RAD51B: variants seen among roughly 807,000 people sequenced by gnomAD.
RAD51B encodes the protein DNA repair protein RAD51 homolog 2.
In RAD51B, 38 loss-of-function variants were observed where a neutral mutation model predicts 42.2. The observed-to-expected ratio is 0.90, with a 90% CI of 0.70 to 1.18. RAD51B has a LOEUF of 1.18. Ranked by LOEUF, RAD51B falls within the 50% of genes most tolerant of loss-of-function variation. The pLI is 0.00. For synonymous variants in RAD51B, 154 were observed against 145.2 expected (o/e 1.06, Z -0.43); for missense variants, 373 against 400.7 (o/e 0.93, Z 0.59).
chr14:67,948,709 A>G (rs1348906371), intron 7 of RAD51B, among the ~76,000 whole-genome samples: 1 of 152,044 alleles, frequency 6.6e-6, no homozygotes, highest in Non-Finnish European at 1.5e-5. Flanking sequence ...AGGCAGGCAG[A>G]TCACAAGGTC....
chr14:67,981,999 C>T (rs1441027911), intron 7 of RAD51B, among the ~76,000 whole-genome samples: 1 of 152,130 alleles, frequency 6.6e-6, no homozygotes, highest in African/African-American at 2.4e-5. Context: ...TGCAGTGGCG[C>T]AGTCTAGGCT....
intron 7 of RAD51B, among the ~76,000 whole-genome samples, chr14:68,288,067 T>C (rs747776701): frequency 2.6e-5 from 4 of 152,292 alleles, no homozygotes; most frequent in East Asian, 3.9e-4. Context: ...GTCTTTCCCA[T>C]GGAGCAAAGC....
intron 10 of RAD51B, among the ~76,000 whole-genome samples, chr14:68,587,610 A>G (rs533290289): frequency 1.3e-5 from 2 of 151,842 alleles, no homozygotes; most frequent in Non-Finnish European, 2.9e-5. Context: ...AGATTTCAGC[A>G]CATCCATCCC....
chr14:68,409,781 T>A (rs192726369), intron 8 of RAD51B, among the ~76,000 whole-genome samples: 12 of 152,354 alleles, frequency 7.9e-5, no homozygotes, highest in Admixed American at 5.2e-4. Flanking sequence ...CATGAAGGAC[T>A]ACTGAAGGCA....
intron 2 of RAD51B, among the ~76,000 whole-genome samples, chr14:67,824,060 G>A (rs536239107): frequency 5.9e-5 from 9 of 152,166 alleles, no homozygotes; most frequent in Admixed American, 5.9e-4. Flanking sequence ...CCTTAGCAGG[G>A]TAAATAAGAT....
At chr14:68,343,107 T>C (rs183208127) in intron 8 of RAD51B, among the ~76,000 whole-genome samples, 52 of 112,236 alleles carry the variant, frequency 4.6e-4, no homozygotes, top group Admixed American at 7.9e-4. Flanking sequence ...CTAATTAAGA[T>C]ATCCATCGCT....
At chr14:68,625,850 G>T (rs6573846) in intron 10 of RAD51B, among the ~76,000 whole-genome samples, 2 of 152,066 alleles carry the variant, frequency 1.3e-5, no homozygotes, top group Admixed American at 1.3e-4. Flanking sequence ...GGGCTGCCCC[G>T]CAAGAAGCAA....
chr14:68,020,235 G>A (rs1398577710), intron 7 of RAD51B, among the ~76,000 whole-genome samples: 2 of 151,870 alleles, frequency 1.3e-5, no homozygotes, highest in African/African-American at 4.8e-5. Flanking sequence ...TCAGCCTCTC[G>A]AGTAGCTGGG....
chr14:68,422,179 C>A, intron 9 of RAD51B: 1 of 1,213,578 alleles, frequency 8.2e-7, no homozygotes, highest in Admixed American at 1.7e-5. Context: ...ATTCAAAGAA[C>A]ATGGTGGGGT....
Position 68,312,630 on chromosome 14 carries a change from T to A in RAD51B, c.853+20650T>A, listed in dbSNP as rs1430744327. Among the ~76,000 whole-genome samples the A allele has an allele frequency of 3.3e-5, 5 of 152,224 alleles. No homozygotes were observed. The East Asian group carries it at 9.6e-4, about 29-fold the overall frequency. ...AAAGCTCAATTAAACTAAAATGCCT[T>A]GTTTCAGTTTCTTTCCACAGTTTAT... On this transcript the variant is annotated intron_variant, in intron 8 of 10. Transcript: ENST00000471583.
At chr14:68,381,387 T>C (rs2083474281) in intron 8 of RAD51B, among the ~76,000 whole-genome samples, 1 of 152,130 alleles carries the variant, frequency 6.6e-6, no homozygotes, top group Non-Finnish European at 1.5e-5. Flanking sequence ...AAAAAAGCCA[T>C]AGAGTTGGCC....
At chr14:68,683,082 TG>T (rs1566971827) in intron 11 of RAD51B, 3 of 453,394 alleles carry the variant, frequency 6.6e-6, no homozygotes, top group Non-Finnish European at 5.8e-6. Context: ...AGAAAAAAAA[TG>T]GGGCCTGCCA....
At chr14:68,299,050 TTTAA>T (rs1273924406) in intron 8 of RAD51B, among the ~76,000 whole-genome samples, 1 of 151,784 alleles carries the variant, frequency 6.6e-6, no homozygotes, top group Non-Finnish European at 1.5e-5. Context: ...AAACTGCATG[TTTAA>T]TTAAAGAACA....
At chr14:68,673,332 G>C (rs191198195) in intron 11 of RAD51B, among the ~76,000 whole-genome samples, 255 of 151,790 alleles carry the variant, frequency 1.7e-3, no homozygotes, top group African/African-American at 5.8e-3. Context: ...TACACACATT[G>C]TATGCACACA....
chr14:68,161,800 G>C (rs1353506234), intron 7 of RAD51B, among the ~76,000 whole-genome samples: 1 of 152,158 alleles, frequency 6.6e-6, no homozygotes, highest in Non-Finnish European at 1.5e-5. Context: ...AGAACATCAT[G>C]CTTCTTCCTC....
rs71281749 is a variant in RAD51B, at chr14:68,260,298, CGT to C, written c.757-31566_757-31565del. 8.8e-3 allele frequency among the ~76,000 whole-genome samples: 849 copies of C among 96,550 alleles called. 124 individuals carry two copies. Among genetic ancestry groups the C allele is most frequent in the African/African-American group, 0.043 (755 of 17,724 alleles). The allele number at this position is 96,550 out of a possible 152,430, so 63.3% of individuals were successfully genotyped here. Reference sequence around the variant, plus strand: ...AAGAGGGCCAGTGTGGCTGAGAGACCGTGTGTGTGTGTGTGTGTGTGGAGAGG... The same window carrying C: ...AAGAGGGCCAGTGTGGCTGAGAGACCGTGTGTGTGTGTGTGTGTGGAGAGG... On this transcript the variant is annotated intron_variant, in intron 7 of 10. Coordinates refer to ENST00000471583, the MANE Select transcript of RAD51B (RefSeq NM_133510.4).
At chr14:68,222,761 C>T (rs907383640) in intron 7 of RAD51B, among the ~76,000 whole-genome samples, 6 of 152,136 alleles carry the variant, frequency 3.9e-5, no homozygotes, top group African/African-American at 1.4e-4. Flanking sequence ...GCTCCATTTT[C>T]TTCACTTTTC....
At chr14:68,119,059 G>A (rs558779409) in intron 7 of RAD51B, among the ~76,000 whole-genome samples, 3 of 151,752 alleles carry the variant, frequency 2.0e-5, no homozygotes, top group Non-Finnish European at 4.4e-5. Context: ...CTGGCCTCAG[G>A]TAATGCTCCC....
At chr14:68,560,693 G>A (rs940771280) in intron 10 of RAD51B, among the ~76,000 whole-genome samples, 7 of 152,092 alleles carry the variant, frequency 4.6e-5, no homozygotes, top group African/African-American at 7.2e-5. Flanking sequence ...CCGAGATTGC[G>A]CCACTGCACT....
Sources: allele counts gnomAD v4.1 joint callset (sites outside exome capture counted in the v4.1 genomes callset), GRCh38; gene constraint gnomAD v4.1.1; transcripts MANE v1.5; gene names NCBI Gene and HGNC (gene_info 2026-07-23, HGNC 2026-07-21).